The following ATF7IP2 variants were observed in gnomAD, a reference collection of about 807,000 sequenced individuals.
The protein encoded by ATF7IP2 is activating transcription factor 7-interacting protein 2.
In ATF7IP2, 42 loss-of-function variants were observed where a neutral mutation model predicts 64.2. That is an observed-to-expected ratio of 0.65 (90% CI 0.51 to 0.85). The LOEUF (loss-of-function observed/expected upper bound fraction) is 0.85, where lower values mean the gene tolerates loss of function less well. Among genes scored for constraint, ATF7IP2 ranks in the 40% least tolerant of loss-of-function variants. ATF7IP2 has a pLI of 0.00. For synonymous variants in ATF7IP2, 308 were observed against 272.8 expected (o/e 1.13, Z -1.27); for missense variants, 933 against 784.2 (o/e 1.19, Z -2.27).
chr16:10,453,043 G>T (rs1345378470), intron 8 of ATF7IP2, among the ~76,000 whole-genome samples: 1 of 152,178 alleles, frequency 6.6e-6, no homozygotes, highest in African/African-American at 2.4e-5. Flanking sequence ...GACCTGCCGA[G>T]CCAGAACACT....
At chr16:10,397,825 G>C (rs1314956792) in intron 1 of ATF7IP2, among the ~76,000 whole-genome samples, 11 of 148,278 alleles carry the variant, frequency 7.4e-5, no homozygotes, top group Admixed American at 6.8e-4. Flanking sequence ...CCACTGCCCT[G>C]CAACCTGGGT....
intron 1 of ATF7IP2, among the ~76,000 whole-genome samples, chr16:10,407,187 A>G (rs752412203): frequency 6.6e-5 from 10 of 152,222 alleles, no homozygotes; most frequent in Non-Finnish European, 8.8e-5. Context: ...CCTACATGAT[A>G]AAAACCCTCA....
chr16:10,424,572 A>G (rs1222881168), intron 3 of ATF7IP2, among the ~76,000 whole-genome samples: 1 of 152,258 alleles, frequency 6.6e-6, no homozygotes, highest in East Asian at 1.9e-4. Context: ...AATGCGAGGG[A>G]AAGTTTGTAA....
In ATF7IP2 at chr16:10,469,130, A is replaced by G. The variant is rs150366013; in HGVS notation, c.1353-2980A>G. Among the ~76,000 whole-genome samples, 4 of 152,350 alleles carry G rather than the reference A, an allele frequency of 2.6e-5. No homozygotes were observed. In the East Asian group the frequency reaches 7.7e-4, roughly 29 times the overall value. On this transcript the variant is annotated intron_variant, in intron 9 of 13. Transcript: ENST00000562102. ...AATAAGAAATTCCCAGGCATGCAAC[A>G]TAGCAAAAAATATGACCTATCAACA...
In ATF7IP2 at chr16:10,431,097, G is replaced by A. The variant is rs76697507; in HGVS notation, c.477G>A (p.Glu159=). The change falls in exon 5 of 14, where the codon GAG becomes GAA. Residue 159 remains glutamate, a synonymous_variant. Transcript: ENST00000562102. The part of the protein sequence containing the change: ...TNVTRSLFEH[E]GACSLKSSCC... The stretch of plus-strand genomic sequence containing the variant: ...TAACAAGATCCCTTTTTGAGCATGA[G>A]GGGGCTTGTAGTCTAAAGTCCAGTT... 2.6e-3 allele frequency: 4,190 copies of A among 1,614,046 alleles called. 84 individuals are homozygous for A. The African/African-American group carries it at 0.047, about 18-fold the overall frequency.
intron 1 of ATF7IP2, among the ~76,000 whole-genome samples, chr16:10,413,175 G>A (rs1263174288): frequency 3.3e-5 from 5 of 152,106 alleles, no homozygotes; most frequent in Non-Finnish European, 5.9e-5. Context: ...TTAATGATAT[G>A]GTTTGGCTGT....
chr16:10,464,485 A>G (rs1409244111), intron 9 of ATF7IP2, among the ~76,000 whole-genome samples: 1 of 152,196 alleles, frequency 6.6e-6, no homozygotes, highest in African/African-American at 2.4e-5. Context: ...GGGAAAGGCA[A>G]TAACAACTGA....
chr16:10,417,071 T>G (rs555705733), intron 2 of ATF7IP2, among the ~76,000 whole-genome samples: 4 of 151,992 alleles, frequency 2.6e-5, no homozygotes, highest in African/African-American at 7.2e-5. Flanking sequence ...AGTATAAGAA[T>G]CAGAGGTCAT....
At chr16:10,396,651 G>GTTGT (rs573419234) in intron 1 of ATF7IP2, among the ~76,000 whole-genome samples, 17 of 151,708 alleles carry the variant, frequency 1.1e-4, no homozygotes, top group East Asian at 7.8e-4. Flanking sequence ...GCCTGTTTTT[G>GTTGT]TTGTTTGTTT....
intron 1 of ATF7IP2, among the ~76,000 whole-genome samples, chr16:10,396,840 A>C (rs1419779295): frequency 6.6e-6 from 1 of 151,858 alleles, no homozygotes; most frequent in East Asian, 1.9e-4. Context: ...TTTTTTTTTA[A>C]GATTTTTGTA....
intron 8 of ATF7IP2, 79 bp from the exon 9 acceptor site, chr16:10,457,293 T>G: frequency 7.6e-7 from 1 of 1,309,134 alleles, no homozygotes; most frequent in Non-Finnish European, 1.1e-6. Flanking sequence ...GCAAGAATAC[T>G]TTGAAAATGC....
intron 1 of ATF7IP2, among the ~76,000 whole-genome samples, chr16:10,405,653 C>T (rs1325353117): frequency 6.6e-6 from 1 of 152,204 alleles, no homozygotes; most frequent in East Asian, 1.9e-4. Context: ...CACCTGACCA[C>T]AGGAATATCT....
chr16:10,392,545 A>T (rs1342018681), intron 1 of ATF7IP2, among the ~76,000 whole-genome samples: 2 of 152,244 alleles, frequency 1.3e-5, no homozygotes, highest in East Asian at 3.9e-4. Context: ...TCTAATATTT[A>T]AGGAAAAATA....
At chr16:10,424,075 G>A (rs970823053) in intron 3 of ATF7IP2, among the ~76,000 whole-genome samples, 4 of 152,236 alleles carry the variant, frequency 2.6e-5, no homozygotes, top group Non-Finnish European at 5.9e-5. Flanking sequence ...GGAAACAAAA[G>A]GATGGGCTCT....
At chr16:10,396,307 A>G (rs1240780964) in intron 1 of ATF7IP2, among the ~76,000 whole-genome samples, 1 of 151,938 alleles carries the variant, frequency 6.6e-6, no homozygotes, top group Non-Finnish European at 1.5e-5. Flanking sequence ...GTTTGCAAAT[A>G]TTTTCTCCCA....
chr16:10,476,925 A>G (rs1186204330), intron 12 of ATF7IP2, among the ~76,000 whole-genome samples: 2 of 152,098 alleles, frequency 1.3e-5, no homozygotes, highest in African/African-American at 2.4e-5. Context: ...GGTTGATTCC[A>G]TGTCTTTGCT....
At chr16:10,465,938 A>G (rs2049553682) in intron 9 of ATF7IP2, among the ~76,000 whole-genome samples, 1 of 152,180 alleles carries the variant, frequency 6.6e-6, no homozygotes, top group African/African-American at 2.4e-5. Context: ...TATCTACTAA[A>G]AGCTACATGA....
chr16:10,468,312 G>T lies in ATF7IP2; in HGVS notation c.1353-3798G>T, dbSNP rs372935872. On this transcript the variant is annotated intron_variant, in intron 9 of 13. Transcript: ENST00000562102. ...GTTGAATTTGTGTTTTTTTAAATCT[G>T]CATGGAAAACTGTTGAGCATAAACT... 3.0e-4 allele frequency among the ~76,000 whole-genome samples: 45 copies of T among 152,096 alleles called. No individual in the cohort carries two copies. The South Asian group carries it at 9.3e-3, about 32-fold the overall frequency.
In ATF7IP2 at chr16:10,426,533, A is replaced by T. The variant is rs947735588; in HGVS notation, c.-159-2335A>T. ...AATGACCATTTAGTTCATGTTTTTC[A>T]TGAAGTTTAACAAATTTACTCTGAG... On this transcript the variant is annotated intron_variant, in intron 3 of 13. Transcript: ENST00000562102. Among the ~76,000 whole-genome samples the T allele has an allele frequency of 5.3e-5, 8 of 152,290 alleles. No homozygotes were observed. The East Asian group carries it at 1.5e-3, about 29-fold the overall frequency.
Sources: gnomAD v4.1 joint callset for allele counts (sites outside exome capture counted in the v4.1 genomes callset) on GRCh38, gnomAD v4.1.1 for gene constraint, MANE v1.5 for transcripts, NCBI Gene and HGNC (gene_info 2026-07-23, HGNC 2026-07-21) for gene names.